TSPEAR: variants seen among roughly 807,000 people sequenced by gnomAD.
TSPEAR encodes the protein thrombospondin type laminin G domain and EAR repeats, also known as thrombospondin-type laminin G domain and EAR repeat-containing protein.
TSPEAR carries 69 observed loss-of-function variants against 71.6 expected under a neutral mutation model. That is an observed-to-expected ratio of 0.96 (90% CI 0.79 to 1.18). The LOEUF (loss-of-function observed/expected upper bound fraction) is 1.18. TSPEAR is among the 50% of genes most tolerant of loss of function. The pLI, the probability that TSPEAR is intolerant of heterozygous loss-of-function variation, is 0.00. For synonymous variants in TSPEAR, 402 were observed against 387.2 expected (o/e 1.04, Z -0.45); for missense variants, 971 against 894.9 (o/e 1.09, Z -1.09).
chr21:44,658,540 GTCTC>G (rs1465437707), intron 1 of TSPEAR, among the ~76,000 whole-genome samples: 2 of 152,072 alleles, frequency 1.3e-5, no homozygotes, highest in Non-Finnish European at 2.9e-5. Context: ...TATACACCTC[GTCTC>G]TCTCTTTTAT....
In TSPEAR at chr21:44,677,170, C is replaced by G. The variant is rs150259895; in HGVS notation, c.82+34263G>C. 51 of 714,192 alleles carry G rather than the reference C, an allele frequency of 7.1e-5. No individual in the cohort carries two copies. In the African/African-American group the frequency reaches 8.6e-4, roughly 12 times the overall value. The allele number at this position is 714,192 out of a possible 1,614,324, so 44.2% of individuals were successfully genotyped here. On this transcript the variant is annotated intron_variant, in intron 1 of 11. Coordinates refer to ENST00000323084, the MANE Select transcript of TSPEAR (RefSeq NM_144991.3). ...GTGAAGTTTATATGAGGCTTGGCCC[C>G]AGCAACCTCTTCTTTCTTTGCATTT...
intron 1 of TSPEAR, among the ~76,000 whole-genome samples, chr21:44,644,265 T>C (rs2146233640): frequency 1.3e-5 from 2 of 152,366 alleles, no homozygotes; most frequent in South Asian, 2.1e-4. Flanking sequence ...CCTCATGTTG[T>C]GGCTGACGTA....
rs781807116 is a variant in TSPEAR, at chr21:44,612,713, C to A, written c.83-44708G>T. On this transcript the variant is annotated intron_variant, in intron 1 of 11. Transcript: ENST00000323084. The surrounding 1 kb of genome is among the most constrained non-coding windows in gnomAD (Gnocchi z 4.1). Reference sequence around the variant, plus strand: ...TTGCTGCACCACCTCCTGCTGCAGACCCTCCTCCTCCGTGTCCCTCCTCTG... The same window carrying A: ...TTGCTGCACCACCTCCTGCTGCAGAACCTCCTCCTCCGTGTCCCTCCTCTG... 1.2e-6 allele frequency: 2 copies of A among 1,613,758 alleles called. No homozygotes were observed. The highest frequency in any genetic ancestry group is 1.3e-5 in the African/African-American group (1 of 74,858).
At chr21:44,677,547 G>A in intron 1 of TSPEAR, 1 of 851,244 alleles carries the variant, frequency 1.2e-6, no homozygotes, top group Non-Finnish European at 2.0e-6. Flanking sequence ...TTCCCTTATA[G>A]AAGATGAGGA....
intron 1 of TSPEAR, among the ~76,000 whole-genome samples, chr21:44,641,773 G>A (rs1292046606): frequency 6.6e-6 from 1 of 152,210 alleles, no homozygotes; most frequent in African/African-American, 2.4e-5. Flanking sequence ...AATATGAGAT[G>A]CATTGGTGGC....
intron 11 of TSPEAR, among the ~76,000 whole-genome samples, chr21:44,500,534 TTAAATAA>T (rs782576012): frequency 1.2e-4 from 19 of 152,348 alleles, no homozygotes; most frequent in Non-Finnish European, 2.8e-4. Flanking sequence ...ACATTTAATA[TTAAATAA>T]TAAAGTATGA....
chr21:44,701,985 G>A (rs1370365122), intron 1 of TSPEAR, among the ~76,000 whole-genome samples: 3 of 152,078 alleles, frequency 2.0e-5, no homozygotes, highest in South Asian at 2.1e-4. Flanking sequence ...TGAGATCCAC[G>A]TTCTCTGTCT....
At chr21:44,563,481 C>T (rs1280712467) in intron 2 of TSPEAR, among the ~76,000 whole-genome samples, 1 of 151,882 alleles carries the variant, frequency 6.6e-6, no homozygotes, top group African/African-American at 2.4e-5. Flanking sequence ...TAAGGAAAAA[C>T]TAAAACAGTG....
At chr21:44,515,335 G>A (rs587656967) in intron 9 of TSPEAR, among the ~76,000 whole-genome samples, 43 of 152,338 alleles carry the variant, frequency 2.8e-4, no homozygotes, top group African/African-American at 1.0e-3. Context: ...GCCTTCCCAG[G>A]GCCCTCCTAA....
Position 44,710,387 on chromosome 21 carries a change from T to G in TSPEAR, c.82+1046A>C, listed in dbSNP as rs190798707. The stretch of plus-strand genomic sequence containing the variant: ...GCTGTCCTGGAGGCACAGCCATCCG[T>G]CCCTGGGTGGGCAGGCACGTTTATG... On this transcript the variant is annotated intron_variant, in intron 1 of 11. Transcript: ENST00000323084. The surrounding 1 kb of genome is among the most constrained non-coding windows in gnomAD (Gnocchi z 4.6). 4.1e-3 allele frequency among the ~76,000 whole-genome samples: 617 copies of G among 151,770 alleles called. 4 individuals are homozygous for G. The highest frequency in any genetic ancestry group is 0.014 in the African/African-American group (594 of 41,258).
At chr21:44,615,132 G>A (rs782751597) in intron 1 of TSPEAR, among the ~76,000 whole-genome samples, 6 of 152,250 alleles carry the variant, frequency 3.9e-5, no homozygotes, top group Non-Finnish European at 8.8e-5. Context: ...ACTCCGCCAT[G>A]GGCAGTGCTG....
chr21:44,613,008 G>A lies in TSPEAR; in HGVS notation c.83-45003C>T. 3 of 1,368,602 alleles carry A rather than the reference G, an allele frequency of 2.2e-6. No homozygotes were observed. In the South Asian group the frequency reaches 4.0e-5, roughly 18 times the overall value. 84.8% of individuals were successfully genotyped at this position (1,368,602 alleles called of 1,614,324 possible). A position where few individuals can be genotyped will look rare whatever the true frequency, so the allele number is the denominator to read the frequency against. ...GGGGTCTCCATGTCTCCCCTGTGCTGAGGTGACCTCTCCCTCCTTACTCCC... is the reference window on the plus strand; with the variant it reads ...GGGGTCTCCATGTCTCCCCTGTGCTAAGGTGACCTCTCCCTCCTTACTCCC... On this transcript the variant is annotated intron_variant, in intron 1 of 11. Transcript: ENST00000323084.
rs1986900671 is a variant in TSPEAR, at chr21:44,687,237, T to C, written c.82+24196A>G. On this transcript the variant is annotated intron_variant, in intron 1 of 11. Transcript: ENST00000323084. The surrounding 1 kb of genome is among the most constrained non-coding windows in gnomAD (Gnocchi z 4.4). ...GTGTGACAGGGAGGTAGATTTCAGCTCAGCAGGAGGAAGGGTCCCCTGAAA... is the reference window on the plus strand; with the variant it reads ...GTGTGACAGGGAGGTAGATTTCAGCCCAGCAGGAGGAAGGGTCCCCTGAAA... Among the ~76,000 whole-genome samples, 1 of 152,016 alleles carries C rather than the reference T, an allele frequency of 6.6e-6. No individual in the cohort carries two copies. Among genetic ancestry groups the C allele is most frequent in the African/African-American group, 2.4e-5 (1 of 41,374 alleles).
chr21:44,670,825 CT>C (rs1186701554), intron 1 of TSPEAR, among the ~76,000 whole-genome samples: 2 of 152,186 alleles, frequency 1.3e-5, no homozygotes, highest in African/African-American at 2.4e-5. Context: ...GATCTTGTAT[CT>C]CCACATCCCT....
intron 9 of TSPEAR, among the ~76,000 whole-genome samples, chr21:44,514,637 C>T (rs1267111240): frequency 2.0e-5 from 3 of 152,222 alleles, no homozygotes; most frequent in Admixed American, 6.5e-5. Flanking sequence ...ACCGCGACTG[C>T]ACGGCCTACT....
chr21:44,637,247 C>G (rs1238947751), intron 1 of TSPEAR: 3 of 897,362 alleles, frequency 3.3e-6, no homozygotes, highest in Non-Finnish European at 5.1e-6. Context: ...TGAGGGTCCT[C>G]CCGGCTCCAA....
In TSPEAR at chr21:44,600,513, C is replaced by A. The variant is rs78984871; in HGVS notation, c.83-32508G>T. On this transcript the variant is annotated intron_variant, in intron 1 of 11. Coordinates refer to ENST00000323084, the MANE Select transcript of TSPEAR (RefSeq NM_144991.3). The stretch of plus-strand genomic sequence containing the variant: ...TTGACACTCCAGCTGGGACAACAGA[C>A]CAGGGAGACATATAAAAGCCAACAT... 4,257 of 1,307,148 alleles carry A rather than the reference C, an allele frequency of 3.3e-3. 105 individuals are homozygous for A. In the African/African-American group the frequency reaches 0.055, roughly 17 times the overall value. 81.0% of individuals were successfully genotyped at this position (1,307,148 alleles called of 1,614,324 possible). A position where few individuals can be genotyped will look rare whatever the true frequency, so the allele number is the denominator to read the frequency against.
chr21:44,551,145 C>T (rs1339748615), intron 2 of TSPEAR: 6 of 1,559,100 alleles, frequency 3.8e-6, no homozygotes, highest in Middle Eastern at 1.7e-4. Flanking sequence ...CACAGGCTTG[C>T]AGCAGACGGG....
chr21:44,704,606 T>A (rs1987821004), intron 1 of TSPEAR, among the ~76,000 whole-genome samples: 1 of 152,082 alleles, frequency 6.6e-6, no homozygotes, highest in African/African-American at 2.4e-5. Context: ...GGCAGCGGCT[T>A]GAGGGTCTTT....
Sources: allele counts gnomAD v4.1 joint callset (sites outside exome capture counted in the v4.1 genomes callset), GRCh38; gene constraint gnomAD v4.1.1; non-coding constraint Gnocchi (gnomAD v3.1); transcripts MANE v1.5; gene names NCBI Gene and HGNC (gene_info 2026-07-23, HGNC 2026-07-21).